SLC35F4: variants seen among roughly 807,000 people sequenced by gnomAD.
The protein encoded by SLC35F4 is chromosome 14 open reading frame 36.
Under a neutral mutation model 44.2 loss-of-function variants are expected in SLC35F4, and 24 were observed. The observed-to-expected ratio is 0.54, with a 90% CI of 0.39 to 0.76. The LOEUF (loss-of-function observed/expected upper bound fraction) is 0.76. Among genes scored for constraint, SLC35F4 ranks in the 30% least tolerant of loss-of-function variants. SLC35F4 has a pLI of 0.00. For synonymous variants in SLC35F4, 238 were observed against 223.6 expected (o/e 1.06, Z -0.57); for missense variants, 562 against 586.1 (o/e 0.96, Z 0.42).
intron 1 of SLC35F4, among the ~76,000 whole-genome samples, chr14:57,634,123 A>G (rs1555364160): frequency 6.6e-6 from 1 of 152,160 alleles, no homozygotes; most frequent in Non-Finnish European, 1.5e-5. Flanking sequence ...TGTGCTGAGC[A>G]CCCACCATGT....
chr14:57,947,938 T>A (rs1474337360), intron 1 of SLC35F4, among the ~76,000 whole-genome samples: 1 of 152,220 alleles, frequency 6.6e-6, no homozygotes, highest in Non-Finnish European at 1.5e-5. Flanking sequence ...TAGTATTTTG[T>A]TGAGAACTTT....
At chr14:57,564,479 C>T (rs1416750151) in intron 7 of SLC35F4, 103 bp from the exon 8 acceptor site, 1 of 1,436,972 alleles carries the variant, frequency 7.0e-7, no homozygotes, top group Non-Finnish European at 9.3e-7. Context: ...CAAGAGTCTT[C>T]TTTATTCTTC....
chr14:57,588,152 G>A (rs1594960397), intron 3 of SLC35F4, among the ~76,000 whole-genome samples: 1 of 152,220 alleles, frequency 6.6e-6, no homozygotes, highest in African/African-American at 2.4e-5. Context: ...GGGTGACAGA[G>A]CAAGACTCTG....
At chr14:57,878,588 C>G (rs935639745) in intron 1 of SLC35F4, among the ~76,000 whole-genome samples, 2 of 152,200 alleles carry the variant, frequency 1.3e-5, no homozygotes, top group Non-Finnish European at 2.9e-5. Flanking sequence ...CTATCTGGAA[C>G]ACTCTCTCCC....
chr14:57,783,944 G>A (rs2077692634), intron 1 of SLC35F4, among the ~76,000 whole-genome samples: 1 of 152,184 alleles, frequency 6.6e-6, no homozygotes, highest in South Asian at 2.1e-4. Context: ...AGAAGATGCT[G>A]TCGTTGATAT....
chr14:57,696,736 G>A (rs1233121708), intron 1 of SLC35F4, among the ~76,000 whole-genome samples: 1 of 152,194 alleles, frequency 6.6e-6, no homozygotes, highest in African/African-American at 2.4e-5. Context: ...TTATGCAGCT[G>A]TAAAAAAGGA....
intron 1 of SLC35F4, among the ~76,000 whole-genome samples, chr14:57,909,270 C>T (rs1019988478): frequency 6.6e-6 from 1 of 152,080 alleles, no homozygotes; most frequent in African/African-American, 2.4e-5. Context: ...ATCAATGAAC[C>T]TATGTTGACA....
At chr14:57,811,616 T>TA (rs1881975486) in intron 1 of SLC35F4, among the ~76,000 whole-genome samples, 1 of 152,060 alleles carries the variant, frequency 6.6e-6, no homozygotes, top group South Asian at 2.1e-4. Context: ...AGAAAAGAAA[T>TA]ACAAAAAGAG....
chr14:57,821,787 T>C (rs1311382853), intron 1 of SLC35F4, among the ~76,000 whole-genome samples: 1 of 152,188 alleles, frequency 6.6e-6, no homozygotes, highest in Non-Finnish European at 1.5e-5. Flanking sequence ...TGACCTCCAT[T>C]TCACCTGATG....
intron 1 of SLC35F4, among the ~76,000 whole-genome samples, chr14:57,747,966 A>G: frequency 6.6e-6 from 1 of 152,234 alleles, no homozygotes; most frequent in East Asian, 1.9e-4. Context: ...ATTCACTTTT[A>G]GGAGCATTTA....
At chr14:57,931,709 C>A (rs933879624) in intron 1 of SLC35F4, among the ~76,000 whole-genome samples, 1 of 152,200 alleles carries the variant, frequency 6.6e-6, no homozygotes, top group South Asian at 2.1e-4. Context: ...GTGGCTCCTC[C>A]AATCACTGGT....
intron 1 of SLC35F4, among the ~76,000 whole-genome samples, chr14:57,721,122 C>G (rs1314345435): frequency 1.3e-5 from 2 of 150,368 alleles, no homozygotes; most frequent in Non-Finnish European, 3.0e-5. Context: ...TCCAGAGGAA[C>G]AGAATATTAA....
At chr14:57,627,761 A>C (rs1390573152) in intron 1 of SLC35F4, among the ~76,000 whole-genome samples, 2 of 152,154 alleles carry the variant, frequency 1.3e-5, no homozygotes, top group African/African-American at 4.8e-5. Context: ...CCTGATGTTT[A>C]AACAAGTGAA....
At chr14:57,786,441 C>G (rs1034233041) in intron 1 of SLC35F4, among the ~76,000 whole-genome samples, 3 of 152,208 alleles carry the variant, frequency 2.0e-5, no homozygotes, top group African/African-American at 7.2e-5. Flanking sequence ...AAAGTGCCAC[C>G]TCCTCACAGG....
rs545774738 is a variant in SLC35F4 at position 57,944,449 on chromosome 14, G to A, written n.282+37464C>T. Among the ~76,000 whole-genome samples, 6 of 152,042 alleles carry A rather than the reference G, an allele frequency of 3.9e-5. No individual in the cohort carries two copies. The South Asian group carries it at 1.0e-3, about 26-fold the overall frequency. On this transcript the variant is annotated intron_variant and non_coding_transcript_variant, in intron 1 of 1. Coordinates refer to the SLC35F4 transcript ENST00000556568. ...TTCCTAACAAAAAAGAGCATTTACC[G>A]CTTTCCCACCCTCACTGTTTACATT...
chr14:57,722,250 C>T (rs1446058496), intron 1 of SLC35F4, among the ~76,000 whole-genome samples: 1 of 152,112 alleles, frequency 6.6e-6, no homozygotes, highest in Non-Finnish European at 1.5e-5. Flanking sequence ...AGCTTCTAAT[C>T]ATTTATTTGG....
At chr14:57,580,877 GTGGCT>G (rs2069201144) in intron 4 of SLC35F4, 1 of 187,796 alleles carries the variant, frequency 5.3e-6, no homozygotes, top group African/African-American at 2.3e-5. Context: ...AATCTTTATA[GTGGCT>G]AATTTTCTCA....
intron 1 of SLC35F4, among the ~76,000 whole-genome samples, chr14:57,958,295 T>C (rs912287830): frequency 3.3e-5 from 5 of 152,136 alleles, no homozygotes; most frequent in Non-Finnish European, 4.4e-5. Flanking sequence ...CCTGACCTCG[T>C]GATCTGCCCG....
chr14:57,915,318 G>T (rs938257409), intron 1 of SLC35F4, among the ~76,000 whole-genome samples: 7 of 152,110 alleles, frequency 4.6e-5, no homozygotes, highest in African/African-American at 1.7e-4. Flanking sequence ...CCAACGTCCT[G>T]ATGAAGAGCA....
Sources: allele counts gnomAD v4.1 joint callset (sites outside exome capture counted in the v4.1 genomes callset), GRCh38; gene constraint gnomAD v4.1.1; transcripts MANE v1.5; gene names NCBI Gene and HGNC (gene_info 2026-07-23, HGNC 2026-07-21).